Variants in CCDC40 observed in about 807,000 individuals in gnomAD.
The protein encoded by CCDC40 is coiled-coil domain 40 molecular ruler complex subunit.
A neutral mutation model predicts 124.5 loss-of-function variants in CCDC40; 104 were observed. The ratio of observed to expected loss-of-function variants is 0.84; its 90% CI spans 0.71 to 0.98. The LOEUF (loss-of-function observed/expected upper bound fraction) is 0.98. CCDC40 is among the 50% of genes least tolerant of loss of function. The probability of loss-of-function intolerance (pLI) is 0.00; values close to 1 mark genes in which losing one functional copy is unlikely to be tolerated. For missense variants in CCDC40, 1,463 were observed against 1,503.9 expected (o/e 0.97, Z 0.45); for synonymous variants, 580 against 602.9 (o/e 0.96, Z 0.56).
At position 80,099,961 on chromosome 17, in the gene CCDC40, A is replaced by G. The variant is rs2304851; in HGVS notation, c.*186A>G. ...TAGCCACTCAGCAATTTAATAAACC[A>G]GGTAAAATCCTAGCGTTTCCCATGG... On this transcript the variant is annotated 3_prime_UTR_variant, in exon 20 of 20. Coordinates refer to ENST00000397545, the MANE Select transcript of CCDC40 (RefSeq NM_017950.4). The G allele has an allele frequency of 1.5e-6, 1 of 659,516 alleles. No individual in the cohort carries two copies. Among genetic ancestry groups the G allele is most frequent in the Non-Finnish European group, 2.6e-6 (1 of 388,902 alleles). 40.9% of individuals were successfully genotyped at this position (659,516 alleles called of 1,614,324 possible).
Position 80,087,787 on chromosome 17 carries a change from G to A in CCDC40, c.2619+11G>A. On this transcript the variant is annotated intron_variant, in intron 15 of 19. Transcript: ENST00000397545. The surrounding 1 kb of genome is among the most constrained non-coding windows in gnomAD (Gnocchi z 4.5). ...GTGCGCTCGCTGAAGGTCCGGCCGT[G>A]TCCACGCAGTCCCGGGGCTCAGGAC... 6.2e-7 allele frequency: 1 copy of A among 1,613,534 alleles called. No individual in the cohort carries two copies. The highest frequency in any genetic ancestry group is 1.7e-5 in the Admixed American group (1 of 60,034).
chr17:80,082,410 G>A (rs2038474824), intron 12 of CCDC40, among the ~76,000 whole-genome samples: 1 of 150,934 alleles, frequency 6.6e-6, no homozygotes, highest in Admixed American at 6.6e-5. Context: ...TGGGGGTGGA[G>A]GGGACTTGTG....
intron 17 of CCDC40, chr17:80,090,742 C>T: frequency 7.2e-7 from 1 of 1,392,822 alleles, no homozygotes; most frequent in Non-Finnish European, 9.3e-7. Context: ...GGTCATCAAG[C>T]TAAAGGTTCA....
intron 19 of CCDC40, among the ~76,000 whole-genome samples, chr17:80,098,447 C>T (rs972362426): frequency 3.3e-5 from 5 of 152,362 alleles, no homozygotes; most frequent in East Asian, 1.9e-4. Flanking sequence ...TGCTTCAGGG[C>T]GGCCCCTGTG....
At chr17:80,046,701 A>C (rs2037428781) in intron 3 of CCDC40, among the ~76,000 whole-genome samples, 1 of 152,116 alleles carries the variant, frequency 6.6e-6, no homozygotes, top group African/African-American at 2.4e-5. Flanking sequence ...TCTTCATGAA[A>C]GCATGCGGAA....
At position 80,037,688 on chromosome 17, in the gene CCDC40, A is replaced by ATATATATATATAT. The variant is rs1555889124; in HGVS notation, c.30-435_30-434insTATATATATATAT. Among the ~76,000 whole-genome samples the ATATATATATATAT allele has an allele frequency of 9.3e-3, 423 of 45,612 alleles. 15 individuals are homozygous for ATATATATATATAT. Among genetic ancestry groups the ATATATATATATAT allele is most frequent in the East Asian group, 0.019 (32 of 1,672 alleles). 29.9% of individuals were successfully genotyped at this position (45,612 alleles called of 152,430 possible). ...AGCTTGAATCTTTAATTTTTTAAAA[A>ATATATATATATAT]AGATATACATATATATATATATATA... On this transcript the variant is annotated intron_variant, in intron 1 of 19. Transcript: ENST00000397545.
At chr17:80,037,563 A>G (rs2037117346) in intron 1 of CCDC40, among the ~76,000 whole-genome samples, 1 of 151,534 alleles carries the variant, frequency 6.6e-6, no homozygotes. Flanking sequence ...GTGGTCCTAA[A>G]TGTTATCAAT....
intron 7 of CCDC40, among the ~76,000 whole-genome samples, chr17:80,051,999 C>CT (rs71163912): frequency 0.35 from 53,802 of 152,212 alleles, 10,645 homozygotes; most frequent in Middle Eastern, 0.5. Context: ...ACAGCACCGT[C>CT]TCTGCCTTCT....
intron 7 of CCDC40, among the ~76,000 whole-genome samples, chr17:80,053,137 A>G (rs1441014638): frequency 6.6e-6 from 1 of 152,264 alleles, no homozygotes; most frequent in Non-Finnish European, 1.5e-5. Flanking sequence ...GCCAATGTCC[A>G]GGAGAACAGA....
At chr17:80,065,304 G>A (rs1328646375) in intron 9 of CCDC40, among the ~76,000 whole-genome samples, 181 bp from the exon 10 acceptor site, 2 of 146,952 alleles carry the variant, frequency 1.4e-5, no homozygotes, top group Non-Finnish European at 3.0e-5. Context: ...AAGCGGGTAC[G>A]GGTTATCTTG....
At chr17:80,063,352 T>C (rs2037952758) in intron 9 of CCDC40, among the ~76,000 whole-genome samples, 1 of 152,218 alleles carries the variant, frequency 6.6e-6, no homozygotes, top group Admixed American at 6.5e-5. Flanking sequence ...TCTATTTGCA[T>C]AGGCTGAACA....
chr17:80,036,747 C>T, intron 1 of CCDC40, 56 bp downstream of exon 1: 1 of 1,452,222 alleles, frequency 6.9e-7, no homozygotes, highest in Non-Finnish European at 9.1e-7. Context: ...GCTCTCCGTT[C>T]ACCGCTCCAG....
At chr17:80,085,473 G>A (rs1324040410) in intron 13 of CCDC40, among the ~76,000 whole-genome samples, 2 of 151,972 alleles carry the variant, frequency 1.3e-5, no homozygotes, top group African/African-American at 4.8e-5. Context: ...CCCTGCCAGC[G>A]CACCCACCAT....
At position 80,066,464 on chromosome 17, in the gene CCDC40, A is replaced by G; in HGVS notation, c.1562+858A>G. The G allele has an allele frequency of 2.6e-6, 1 of 385,908 alleles. No homozygotes were observed. Among genetic ancestry groups the G allele is most frequent in the Non-Finnish European group, 4.7e-6 (1 of 212,318 alleles). The allele number at this position is 385,908 out of a possible 1,614,324, so 23.9% of individuals were successfully genotyped here. On this transcript the variant is annotated intron_variant, in intron 10 of 19. Transcript: ENST00000397545. This position sits in a 1 kb window ranked among gnomAD's most constrained non-coding sequence, Gnocchi z 4.4. ...TCAAATGAATAATATTGGATTAACC[A>G]TACTCATTTCTGGCCAGGCGCAGTG...
chr17:80,064,516 G>A (rs570047212), intron 9 of CCDC40, among the ~76,000 whole-genome samples: 146 of 147,822 alleles, frequency 9.9e-4, no homozygotes, highest in Middle Eastern at 6.8e-3. Flanking sequence ...TGTACCCATG[G>A]AGGTGCCGCT....
intron 17 of CCDC40, chr17:80,090,800 C>A: frequency 8.0e-7 from 1 of 1,249,724 alleles, no homozygotes; most frequent in East Asian, 3.8e-5. Flanking sequence ...AAATGGGCCT[C>A]ACTTTCACCA....
chr17:80,042,789 G>C (rs1378555170), intron 3 of CCDC40, among the ~76,000 whole-genome samples: 1 of 151,670 alleles, frequency 6.6e-6, no homozygotes, highest in African/African-American at 2.4e-5. Context: ...TGTTTGCTGT[G>C]GGTGTTGCAG....
At chr17:80,062,671 C>A (rs912439587) in intron 9 of CCDC40, among the ~76,000 whole-genome samples, 1 of 152,136 alleles carries the variant, frequency 6.6e-6, no homozygotes, top group Non-Finnish European at 1.5e-5. Context: ...CCTCAAACTT[C>A]TGGGTCCAAG....
chr17:80,059,751 G>C (rs1267008764), intron 9 of CCDC40, among the ~76,000 whole-genome samples: 5 of 152,002 alleles, frequency 3.3e-5, no homozygotes, highest in African/African-American at 1.2e-4. Flanking sequence ...GTAAAAACAG[G>C]GTTTCACCAT....
Sources: gnomAD v4.1 joint callset for allele counts (sites outside exome capture counted in the v4.1 genomes callset) on GRCh38, gnomAD v4.1.1 for gene constraint, Gnocchi (gnomAD v3.1) non-coding constraint, MANE v1.5 for transcripts, NCBI Gene and HGNC (gene_info 2026-07-23, HGNC 2026-07-21) for gene names.